The following ACCSL variants were observed in gnomAD, a reference collection of about 807,000 sequenced individuals.
ACCSL encodes the protein 1-aminocyclopropane-1-carboxylate synthase homolog (inactive) like.
ACCSL carries 55 observed loss-of-function variants against 61.7 expected under a neutral mutation model. The observed-to-expected ratio is 0.89, with a 90% CI of 0.72 to 1.12. ACCSL has a LOEUF of 1.12. Ranked by LOEUF, ACCSL falls within the 50% of genes most tolerant of loss-of-function variation. ACCSL has a pLI of 0.00. For synonymous variants in ACCSL, 258 were observed against 264.3 expected, an observed-to-expected ratio of 0.98 and a Z score of 0.23; for missense variants, 632 against 698.0, an observed-to-expected ratio of 0.91 and a Z score of 1.07.
At chr11:44,053,566 A>G in intron 8 of ACCSL, 60 bp downstream of exon 8, 1 of 1,497,854 alleles carries the variant, frequency 6.7e-7, no homozygotes, top group Non-Finnish European at 9.3e-7. Flanking sequence ...CATCACTTAT[A>G]GTCAAGTAAT....
At chr11:43,985,323 CCTGGCAGGAAG>C in the ACCSL span, among the ~76,000 whole-genome samples, 2 of 152,114 alleles carry the variant, frequency 1.3e-5, no homozygotes, top group Non-Finnish European at 2.9e-5. Context: ...GGCTGTGTTT[CCTGGCAGGAAG>C]CTGGCAGGCA....
the ACCSL span, among the ~76,000 whole-genome samples, chr11:43,948,925 G>T: frequency 6.6e-6 from 1 of 152,212 alleles, no homozygotes; most frequent in East Asian, 1.9e-4. Context: ...CATATGCATA[G>T]CTGGAATACT....
the ACCSL span, among the ~76,000 whole-genome samples, chr11:44,030,466 G>A: frequency 6.6e-6 from 1 of 151,664 alleles, no homozygotes; most frequent in Non-Finnish European, 1.5e-5. Context: ...TTTAGCCCAG[G>A]AGCTTTTTCA....
intron 1 of ACCSL, among the ~76,000 whole-genome samples, chr11:44,049,051 G>T (rs1952618793): frequency 6.6e-6 from 1 of 152,140 alleles, no homozygotes; most frequent in Non-Finnish European, 1.5e-5. Flanking sequence ...GGGAAAGGAG[G>T]TCCAATGGCC....
chr11:44,005,310 G>A, the ACCSL span, among the ~76,000 whole-genome samples: 4 of 152,168 alleles, frequency 2.6e-5, no homozygotes, highest in East Asian at 7.7e-4. Flanking sequence ...CCTAATTACT[G>A]CTGATCGTGG....
At chr11:43,958,278 T>C in the ACCSL span, among the ~76,000 whole-genome samples, 9 of 152,192 alleles carry the variant, frequency 5.9e-5, no homozygotes, top group African/African-American at 2.2e-4. Context: ...GGGATGTCTT[T>C]TCAGGTTTTT....
intron 8 of ACCSL, 79 bp from the exon 9 acceptor site, chr11:44,055,123 G>C (rs920844925): frequency 1.0e-6 from 1 of 992,856 alleles, no homozygotes; most frequent in Non-Finnish European, 1.5e-6. Flanking sequence ...AGATTACAAA[G>C]ATGCTTGTAA....
At chr11:44,032,663 C>T in the ACCSL span, among the ~76,000 whole-genome samples, 2 of 152,240 alleles carry the variant, frequency 1.3e-5, no homozygotes, top group East Asian at 1.9e-4. Context: ...CGGGCGGATA[C>T]GTGGGCATTG....
chr11:43,924,136 A>G, the ACCSL span, among the ~76,000 whole-genome samples: 7 of 152,266 alleles, frequency 4.6e-5, no homozygotes, highest in Admixed American at 3.9e-4. Flanking sequence ...TTGGGACCAC[A>G]GCATCCATAA....
chr11:43,939,478 G>A, the ACCSL span, among the ~76,000 whole-genome samples: 1 of 152,136 alleles, frequency 6.6e-6, no homozygotes, highest in Non-Finnish European at 1.5e-5. Context: ...TCAGGTGGAT[G>A]GTGGGTTTTA....
Position 44,048,419 on chromosome 11 carries a change from C to T in ACCSL, c.383C>T (p.Ala128Val). 6.2e-7 allele frequency: 1 copy of T among 1,614,150 alleles called. No individual in the cohort carries two copies. Residue 128 changes from alanine to valine, a missense_variant, in exon 1 of 14, where the codon GCT (alanine) becomes GTT (valine). By Grantham distance (64) the Ala-to-Val change is moderately conservative. Coordinates refer to ENST00000378832, the MANE Select transcript of ACCSL (RefSeq NM_001031854.2). ...DPVPQLSDCE[A>V]AFVNRDLSIR... ...GTTCCCCAACTGAGTGATTGTGAAG[C>T]TGCCTTTGTCAACCGCGACCTATCC... is the stretch of plus-strand genomic sequence containing the variant.
At chr11:43,962,333 A>C in the ACCSL span, among the ~76,000 whole-genome samples, 1 of 152,232 alleles carries the variant, frequency 6.6e-6, no homozygotes, top group Middle Eastern at 3.2e-3. Context: ...CAAGGCTGTA[A>C]GTAAAAGAGA....
chr11:43,972,301 T>C, the ACCSL span, among the ~76,000 whole-genome samples: 3 of 152,180 alleles, frequency 2.0e-5, no homozygotes, highest in African/African-American at 7.2e-5. Flanking sequence ...CACACCACCT[T>C]GGTGTACTCA....
intron 11 of ACCSL, 52 bp from the exon 12 acceptor site, chr11:44,058,265 G>T: frequency 1.3e-6 from 2 of 1,588,554 alleles, no homozygotes; most frequent in Admixed American, 1.7e-5. Flanking sequence ...AGGAACTCTC[G>T]GTAGATTTCT....
chr11:44,014,301 T>A, the ACCSL span, among the ~76,000 whole-genome samples: 1 of 152,166 alleles, frequency 6.6e-6, no homozygotes, highest in Admixed American at 6.6e-5. Context: ...CAGGGGCTGC[T>A]GTCATCTGAA....
the ACCSL span, among the ~76,000 whole-genome samples, chr11:44,009,335 C>A: frequency 6.6e-6 from 1 of 152,226 alleles, no homozygotes; most frequent in Non-Finnish European, 1.5e-5. Context: ...TCTACCCACA[C>A]AGGAGGGTTC....
chr11:44,010,918 T>G, the ACCSL span, among the ~76,000 whole-genome samples: 1 of 152,184 alleles, frequency 6.6e-6, no homozygotes, highest in Non-Finnish European at 1.5e-5. Context: ...ACCCCTATAC[T>G]TAGTCAGTGA....
At chr11:44,011,280 A>G in the ACCSL span, among the ~76,000 whole-genome samples, 1 of 151,956 alleles carries the variant, frequency 6.6e-6, no homozygotes, top group South Asian at 2.1e-4. Flanking sequence ...AGAAACCCCC[A>G]TGGCTGGCTC....
chr11:44,027,099 T>TC, the ACCSL span, among the ~76,000 whole-genome samples: 1 of 152,212 alleles, frequency 6.6e-6, no homozygotes, highest in Non-Finnish European at 1.5e-5. Flanking sequence ...TTACTGGTCT[T>TC]TTAATGATTG....
Sources: gnomAD v4.1 joint callset for allele counts (sites outside exome capture counted in the v4.1 genomes callset) on GRCh38, gnomAD v4.1.1 for gene constraint, MANE v1.5 for transcripts, NCBI Gene and HGNC (gene_info 2026-07-23, HGNC 2026-07-21) for gene names.